The following COL4A3 variants were observed in gnomAD, a reference collection of about 807,000 sequenced individuals.
COL4A3 encodes the protein collagen alpha-3(IV) chain.
A neutral mutation model predicts 217.4 loss-of-function variants in COL4A3; 135 were observed. The observed-to-expected ratio is 0.62, with a 90% CI of 0.54 to 0.72. The LOEUF is 0.72. Among genes scored for constraint, COL4A3 ranks in the 30% least tolerant of loss-of-function variants. The pLI is 0.00. For synonymous variants in COL4A3, 690 were observed against 736.3 expected, an observed-to-expected ratio of 0.94 and a Z score of 1.02; for missense variants, 1,868 against 2,119.9, an observed-to-expected ratio of 0.88 and a Z score of 2.33.
rs1425230568 is a variant in COL4A3, at chr2:227,254,699, G to C, written c.872G>C (p.Gly291Ala). 1 of 1,613,076 alleles carries C rather than the reference G, an allele frequency of 6.2e-7. No individual in the cohort carries two copies. Among genetic ancestry groups the C allele is most frequent in the Non-Finnish European group, 8.5e-7 (1 of 1,179,236 alleles). ...ESYGSEKGAP[G>A]DPGLQGKPGK... ...TATGGATCTGAAAAGGGTGCTCCTG[G>C]AGACCCTGGCCTGCAGGTAAATTTG... is the stretch of plus-strand genomic sequence containing the variant. The change falls in exon 15 of 52, where the codon GGA becomes GCA. Residue 291 changes from glycine to alanine, a missense_variant. Coordinates refer to ENST00000396578, the MANE Select transcript of COL4A3 (RefSeq NM_000091.5).
In COL4A3 at chr2:227,310,960, C is replaced by T. The variant is rs1423873038; in HGVS notation, c.4928+12C>T. 1.2e-6 allele frequency: 2 copies of T among 1,612,768 alleles called. No individual in the cohort carries two copies. Among genetic ancestry groups the T allele is most frequent in the Non-Finnish European group, 1.7e-6 (2 of 1,179,890 alleles). ...GAAAGAATGTTCAGGTAACTATTCA[C>T]CATCAAGCTTAATCTGATGACTCAA... is the stretch of plus-strand genomic sequence containing the variant. On this transcript the variant is annotated intron_variant, in intron 51 of 51. Transcript: ENST00000396578.
At chr2:227,304,734 A>G (rs2073432341) in intron 46 of COL4A3, among the ~76,000 whole-genome samples, 1 of 152,236 alleles carries the variant, frequency 6.6e-6, no homozygotes, top group Non-Finnish European at 1.5e-5. Flanking sequence ...AACATAAATA[A>G]AAATTGCAGC....
intron 1 of COL4A3, among the ~76,000 whole-genome samples, chr2:227,168,152 T>G (rs975977684): frequency 1.3e-5 from 2 of 152,250 alleles, no homozygotes; most frequent in African/African-American, 4.8e-5. Flanking sequence ...TCTTTATATT[T>G]TCATTTTATA....
In COL4A3 at chr2:227,248,563, A is replaced by ACTCT. The variant is rs140415172; in HGVS notation, c.546+54_546+57dup. 3.1e-6 allele frequency: 4 copies of ACTCT among 1,284,442 alleles called. No homozygotes were observed. The South Asian group carries it at 3.6e-5, about 12-fold the overall frequency. 79.6% of individuals were successfully genotyped at this position (1,284,442 alleles called of 1,614,324 possible). ...AGGTCCCTATTATTCTCAGTTTTTC[A>ACTCT]CTCTCTCTCTCTCTTTTCGCCTCTC... On this transcript the variant is annotated intron_variant, in intron 9 of 51. Transcript: ENST00000396578.
chr2:227,284,091 C>T, intron 33 of COL4A3, 120 bp from the exon 34 acceptor site: 1 of 1,371,258 alleles, frequency 7.3e-7, no homozygotes, highest in East Asian at 2.3e-5. Context: ...ATCAAGTTCT[C>T]AGCACTGTTA....
At chr2:227,225,048 A>G (rs1181863120) in intron 1 of COL4A3, among the ~76,000 whole-genome samples, 4 of 152,148 alleles carry the variant, frequency 2.6e-5, no homozygotes, top group African/African-American at 2.4e-5. Flanking sequence ...AGTAGCTGGA[A>G]CTACAGGCTT....
At chr2:227,206,837 G>A (rs2067120204) in intron 1 of COL4A3, among the ~76,000 whole-genome samples, 1 of 152,106 alleles carries the variant, frequency 6.6e-6, no homozygotes, top group Non-Finnish European at 1.5e-5. Flanking sequence ...CAACCCATAA[G>A]GAAGTATTCT....
chr2:227,218,084 A>ATTTAAC (rs767683091), intron 1 of COL4A3, among the ~76,000 whole-genome samples: 8 of 93,216 alleles, frequency 8.6e-5, no homozygotes, highest in African/African-American at 3.0e-4. Flanking sequence ...ATATAGCTAT[A>ATTTAAC]TATATATATA....
intron 41 of COL4A3, among the ~76,000 whole-genome samples, chr2:227,295,861 C>A (rs1227940793): frequency 6.6e-6 from 1 of 152,186 alleles, no homozygotes; most frequent in South Asian, 2.1e-4. Flanking sequence ...GTTTGGCAGG[C>A]CACAGATCTG....
chr2:227,197,867 A>G (rs2066542367), intron 1 of COL4A3, among the ~76,000 whole-genome samples: 1 of 152,208 alleles, frequency 6.6e-6, no homozygotes, highest in Non-Finnish European at 1.5e-5. Flanking sequence ...GAAATGGCAG[A>G]GAGGAGAAGT....
intron 1 of COL4A3, among the ~76,000 whole-genome samples, chr2:227,231,332 T>G (rs529396640): frequency 1.3e-5 from 2 of 152,126 alleles, no homozygotes; most frequent in Admixed American, 6.6e-5. Context: ...AGCACATGTC[T>G]GCTATACCAA....
chr2:227,208,811 TAC>T (rs1268869652), intron 1 of COL4A3, among the ~76,000 whole-genome samples: 2 of 101,932 alleles, frequency 2.0e-5, no homozygotes, highest in African/African-American at 8.3e-5. Context: ...CACACATATA[TAC>T]AGAAGGAGGT....
intron 9 of COL4A3, among the ~76,000 whole-genome samples, chr2:227,249,230 A>ATATATATTTTTTTTTT: frequency 2.0e-4 from 3 of 14,690 alleles, no homozygotes; most frequent in African/African-American, 8.0e-4. Flanking sequence ...ATATATATAT[A>ATATATATTTTTTTTTT]TTTTTTTTTT....
At chr2:227,172,862 C>T (rs193154260) in intron 1 of COL4A3, among the ~76,000 whole-genome samples, 1 of 152,258 alleles carries the variant, frequency 6.6e-6, no homozygotes, top group African/African-American at 2.4e-5. Flanking sequence ...GCTGGGATTA[C>T]AGGCGTGAGG....
chr2:227,246,390 A>C, intron 6 of COL4A3: 1 of 514,232 alleles, frequency 1.9e-6, no homozygotes. Context: ...TTTCTCCAGA[A>C]TGGTGGCCAT....
At chr2:227,272,109 C>G (rs1040388662) in intron 25 of COL4A3, among the ~76,000 whole-genome samples, 1 of 152,146 alleles carries the variant, frequency 6.6e-6, no homozygotes, top group Non-Finnish European at 1.5e-5. Flanking sequence ...GTTCTCAGAC[C>G]CTGCCTTGGC....
chr2:227,267,027 T>A lies in COL4A3; in HGVS notation c.1443T>A (p.Tyr481Ter), dbSNP rs2070938396. The A allele has an allele frequency of 6.2e-7, 1 of 1,614,068 alleles. No individual in the cohort carries two copies. Among genetic ancestry groups the A allele is most frequent in the Non-Finnish European group, 8.5e-7 (1 of 1,179,932 alleles). ...EPGLLCTQCP[Y>*]IPGPPGLPGL... ...GCCTCCTGTGTACACAGTGCCCTTATATCCCAGGGCCTCCCGGTCTCCCAG... is the reference window on the plus strand; with the variant it reads ...GCCTCCTGTGTACACAGTGCCCTTAAATCCCAGGGCCTCCCGGTCTCCCAG... The change falls in exon 23 of 52, where the codon TAT becomes TAA. Residue 481 changes from tyrosine (Y) to a stop codon, truncating the protein, a stop_gained. Transcript: ENST00000396578. LOFTEE classifies it high-confidence loss of function.
intron 4 of COL4A3, chr2:227,244,733 A>G (rs746584632): frequency 4.1e-6 from 3 of 731,600 alleles, no homozygotes; most frequent in South Asian, 1.5e-5. Flanking sequence ...AAAAAAGCCA[A>G]AAATAATCTT....
chr2:227,252,929 C>G (rs1200798697), intron 11 of COL4A3, among the ~76,000 whole-genome samples: 1 of 152,112 alleles, frequency 6.6e-6, no homozygotes, highest in Non-Finnish European at 1.5e-5. Flanking sequence ...TGCAGCTACC[C>G]ATTCTTATTT....
Sources: gnomAD v4.1 joint callset for allele counts (sites outside exome capture counted in the v4.1 genomes callset) on GRCh38, gnomAD v4.1.1 for gene constraint, MANE v1.5 for transcripts, NCBI Gene and HGNC (gene_info 2026-07-23, HGNC 2026-07-21) for gene names.